Variants in CACNA1B observed in about 807,000 individuals in gnomAD.
The protein encoded by CACNA1B is calcium voltage-gated channel subunit alpha1 B.
Under a neutral mutation model 247.2 loss-of-function variants are expected in CACNA1B, and 70 were observed. That is an observed-to-expected ratio of 0.28 (90% CI 0.23 to 0.35). The LOEUF is 0.35. CACNA1B is among the 10% of genes least tolerant of loss of function. The probability of loss-of-function intolerance (pLI) is 1.00; values close to 1 mark genes in which losing one functional copy is unlikely to be tolerated. For missense variants in CACNA1B, 2,367 were observed against 3,197.4 expected (o/e 0.74, Z 6.26); for synonymous variants, 1,231 against 1,294.4 (o/e 0.95, Z 1.05).
chr9:138,038,515 G>A (rs1030348088), intron 20 of CACNA1B, among the ~76,000 whole-genome samples: 2 of 152,338 alleles, frequency 1.3e-5, no homozygotes, highest in African/African-American at 2.4e-5. Context: ...CAGGAACCAC[G>A]GGAAGTGCAT....
intron 15 of CACNA1B, among the ~76,000 whole-genome samples, chr9:137,997,308 G>C (rs181686906): frequency 2.0e-5 from 3 of 152,256 alleles, no homozygotes; most frequent in Admixed American, 2.0e-4. Flanking sequence ...AGTATCAGGG[G>C]TCTTAGCACA....
At chr9:138,031,579 T>C (rs1025370331) in intron 20 of CACNA1B, among the ~76,000 whole-genome samples, 3 of 152,208 alleles carry the variant, frequency 2.0e-5, no homozygotes, top group East Asian at 1.9e-4. Flanking sequence ...TGTCTAGATA[T>C]GTCAATTGTT....
chr9:138,120,397 T>G (rs1962043695), intron 45 of CACNA1B, 25 bp downstream of exon 45: 3 of 1,525,136 alleles, frequency 2.0e-6, no homozygotes, highest in Admixed American at 2.0e-5. Context: ...GCCCGGGGAG[T>G]CCTTCGGGGA....
intron 10 of CACNA1B, among the ~76,000 whole-genome samples, chr9:137,965,661 T>A (rs1234136671): frequency 6.6e-6 from 1 of 152,184 alleles, no homozygotes; most frequent in Non-Finnish European, 1.5e-5. Context: ...TGCAATGGCA[T>A]GATCTCGGCT....
At chr9:138,091,833 G>A (rs1166103701) in intron 36 of CACNA1B, among the ~76,000 whole-genome samples, 2 of 152,146 alleles carry the variant, frequency 1.3e-5, no homozygotes, top group Non-Finnish European at 2.9e-5. Flanking sequence ...TTCAACATAG[G>A]TTCTTTTCTA....
At position 138,012,287 on chromosome 9, in the gene CACNA1B, G is replaced by A. The variant is rs1958734163; in HGVS notation, c.2161-842G>A. Reference sequence around the variant, plus strand: ...CCCACTGGACACCCTCCTGGTGGCAGTGCTTGTGGGCAGTGCTGGGTCAGG... The same window carrying A: ...CCCACTGGACACCCTCCTGGTGGCAATGCTTGTGGGCAGTGCTGGGTCAGG... On this transcript the variant is annotated intron_variant, in intron 17 of 46. Coordinates refer to ENST00000371372, the MANE Select transcript of CACNA1B (RefSeq NM_000718.4). The surrounding 1 kb of genome is among the most constrained non-coding windows in gnomAD (Gnocchi z 4.2). Among the ~76,000 whole-genome samples, 1 of 152,232 alleles carries A rather than the reference G, an allele frequency of 6.6e-6. No individual in the cohort carries two copies. The highest frequency in any genetic ancestry group is 1.5e-5 in the Non-Finnish European group (1 of 68,040).
At chr9:137,908,385 G>C (rs569541492) in intron 3 of CACNA1B, among the ~76,000 whole-genome samples, 1 of 151,624 alleles carries the variant, frequency 6.6e-6, no homozygotes, top group Admixed American at 6.6e-5. Context: ...GTATGGTGGC[G>C]AGTGCCTGTA....
chr9:137,908,308 G>T (rs1251173232), intron 3 of CACNA1B, among the ~76,000 whole-genome samples: 1 of 152,110 alleles, frequency 6.6e-6, no homozygotes, highest in Non-Finnish European at 1.5e-5. Flanking sequence ...CTGAGGTCAG[G>T]AGTTCGAGAC....
chr9:138,056,999 G>A (rs917927494), intron 26 of CACNA1B, among the ~76,000 whole-genome samples: 17 of 146,980 alleles, frequency 1.2e-4, no homozygotes, highest in Non-Finnish European at 1.2e-4. Context: ...GCAGTGGCGC[G>A]ATCTCGGCTC....
In CACNA1B at chr9:138,054,132, C is replaced by A; in HGVS notation, c.3968+126C>A. 1.1e-6 allele frequency: 1 copy of A among 898,140 alleles called. No homozygotes were observed. Among genetic ancestry groups the A allele is most frequent in the South Asian group, 1.6e-5 (1 of 64,374 alleles). The allele number at this position is 898,140 out of a possible 1,614,324, so 55.6% of individuals were successfully genotyped here. ...AGACTCCACTGCAGAGCATCACGGA[C>A]CCTGCCTGAGGGCCGAGGAGGGGCT... is the stretch of plus-strand genomic sequence containing the variant. On this transcript the variant is annotated intron_variant, in intron 26 of 46. Coordinates refer to ENST00000371372, the MANE Select transcript of CACNA1B (RefSeq NM_000718.4). This position sits in a 1 kb window ranked among gnomAD's most constrained non-coding sequence, Gnocchi z 4.6.
rs1258959076 is a variant in CACNA1B, at chr9:138,112,498, C to T, written c.5529C>T (p.Pro1843=). 1 of 1,601,164 alleles carries T rather than the reference C, an allele frequency of 6.2e-7. No individual in the cohort carries two copies. Among genetic ancestry groups the T allele is most frequent in the Admixed American group, 1.7e-5 (1 of 60,020 alleles). Reference sequence around the variant, plus strand: ...AGACTTTGGACTTGCTGGTACCACCCCATAAGCGTAAGTGTGAGGGTGAGA... The same window carrying T: ...AGACTTTGGACTTGCTGGTACCACCTCATAAGCGTAAGTGTGAGGGTGAGA... ...PQKTLDLLVP[P]HKPDEMTVGK... Residue 1843 remains proline, a synonymous_variant, in exon 40 of 47, where the codon CCC becomes CCT. Coordinates refer to ENST00000371372, the MANE Select transcript of CACNA1B (RefSeq NM_000718.4).
intron 39 of CACNA1B, among the ~76,000 whole-genome samples, chr9:138,109,094 C>T (rs1229042013): frequency 1.3e-5 from 2 of 152,168 alleles, no homozygotes; most frequent in Non-Finnish European, 2.9e-5. Flanking sequence ...ATAGAAAAAG[C>T]ATTTGACAAA....
At chr9:138,103,785 G>A (rs1474135246) in intron 38 of CACNA1B, among the ~76,000 whole-genome samples, 1 of 152,246 alleles carries the variant, frequency 6.6e-6, no homozygotes, top group Middle Eastern at 3.2e-3. Context: ...GTCTGAGGAA[G>A]CTTCCTGCCA....
At chr9:138,004,029 G>A (rs1256920802) in intron 15 of CACNA1B, among the ~76,000 whole-genome samples, 2 of 151,978 alleles carry the variant, frequency 1.3e-5, no homozygotes, top group African/African-American at 4.8e-5. Flanking sequence ...TGCTGCTGGC[G>A]GGAATATGAT....
At chr9:137,912,239 A>G (rs1376881401) in intron 3 of CACNA1B, among the ~76,000 whole-genome samples, 4 of 152,222 alleles carry the variant, frequency 2.6e-5, no homozygotes, top group Admixed American at 2.0e-4. Context: ...TAGCTCCTAC[A>G]TGGAATGAGC....
At chr9:137,906,005 G>A (rs1564883578) in intron 3 of CACNA1B, among the ~76,000 whole-genome samples, 1 of 152,206 alleles carries the variant, frequency 6.6e-6, no homozygotes, top group Admixed American at 6.5e-5. Flanking sequence ...TATGGCAAGG[G>A]CCTCTCCACT....
intron 6 of CACNA1B, among the ~76,000 whole-genome samples, chr9:137,927,511 G>A (rs886135044): frequency 4.6e-5 from 7 of 152,162 alleles, no homozygotes; most frequent in African/African-American, 1.7e-4. Context: ...ACCATAAAAT[G>A]GTCTTGACGC....
chr9:138,017,938 G>A (rs1958813695), intron 18 of CACNA1B, among the ~76,000 whole-genome samples: 2 of 121,742 alleles, frequency 1.6e-5, no homozygotes, highest in Admixed American at 7.5e-5. Flanking sequence ...AAGTGGCCAG[G>A]TGCAGTTAGG....
chr9:138,048,636 C>T (rs568222373), intron 23 of CACNA1B, among the ~76,000 whole-genome samples: 58 of 152,300 alleles, frequency 3.8e-4, no homozygotes, highest in African/African-American at 1.3e-3. Flanking sequence ...CACACTGAGC[C>T]TTCCATGGGG....
Sources: gnomAD v4.1 joint callset for allele counts (sites outside exome capture counted in the v4.1 genomes callset) on GRCh38, gnomAD v4.1.1 for gene constraint, Gnocchi (gnomAD v3.1) non-coding constraint, MANE v1.5 for transcripts, NCBI Gene and HGNC (gene_info 2026-07-23, HGNC 2026-07-21) for gene names.